Variants in SAMD5 observed in about 807,000 individuals in gnomAD.
SAMD5 encodes sterile alpha motif domain-containing protein 5.
Under a neutral mutation model 11.3 loss-of-function variants are expected in SAMD5, and 13 were observed. The observed-to-expected ratio is 1.15, with a 90% CI of 0.75 to 1.83. SAMD5 has a LOEUF of 1.83. SAMD5 is among the 40% of genes most tolerant of loss of function. The pLI is 0.00. For missense variants in SAMD5, 255 were observed against 239.1 expected (o/e 1.07, Z -0.44); for synonymous variants, 129 against 111.3 (o/e 1.16, Z -1.00).
chr6:147,661,391 GTC>G (rs1043042180), intron 1 of SAMD5, among the ~76,000 whole-genome samples: 7 of 152,182 alleles, frequency 4.6e-5, no homozygotes, highest in Non-Finnish European at 7.3e-5. Context: ...TGGGAGAACA[GTC>G]TCTTAAATTT....
At chr6:147,939,029 G>A in the SAMD5 span, among the ~76,000 whole-genome samples, 59 of 152,210 alleles carry the variant, frequency 3.9e-4, no homozygotes, top group Non-Finnish European at 7.1e-4. Context: ...CAAAGTCTGG[G>A]GTTCCCACAA....
At position 147,566,065 on chromosome 6, in the gene SAMD5, A is replaced by C; in HGVS notation, c.*1609A>C. 1 of 984,198 alleles carries C rather than the reference A, an allele frequency of 1.0e-6. No homozygotes were observed. Among genetic ancestry groups the C allele is most frequent in the Non-Finnish European group, 1.2e-6 (1 of 828,808 alleles). The allele number at this position is 984,198 out of a possible 1,614,324, so 61.0% of individuals were successfully genotyped here. On this transcript the variant is annotated 3_prime_UTR_variant, in exon 2 of 2. Transcript: ENST00000367474. ...AAGAATAGATAGGCCATTAAGAAGG[A>C]TATTAGGTTTCTAAGGACAATTTTA...
At chr6:147,653,676 G>A (rs569505497) in intron 1 of SAMD5, among the ~76,000 whole-genome samples, 1 of 152,294 alleles carries the variant, frequency 6.6e-6, no homozygotes, top group South Asian at 2.1e-4. Context: ...AATATGCACA[G>A]AGCCTATTTT....
At chr6:147,874,827 C>G in the SAMD5 span, among the ~76,000 whole-genome samples, 1 of 151,628 alleles carries the variant, frequency 6.6e-6, no homozygotes, top group South Asian at 2.1e-4. Flanking sequence ...TTTAGTGGTC[C>G]TTTATGATTG....
the SAMD5 span, among the ~76,000 whole-genome samples, chr6:147,758,394 A>G: frequency 6.6e-6 from 1 of 152,352 alleles, no homozygotes; most frequent in Admixed American, 6.5e-5. Context: ...GTGGTCATAA[A>G]TCATAATGGC....
intron 1 of SAMD5, among the ~76,000 whole-genome samples, chr6:147,608,441 T>C (rs1028736790): frequency 2.6e-5 from 4 of 152,194 alleles, no homozygotes; most frequent in African/African-American, 4.8e-5. Context: ...ATATACACAA[T>C]GGAGTACTAT....
At chr6:147,579,775 A>G (rs1789269668) in intron 1 of SAMD5, among the ~76,000 whole-genome samples, 1 of 152,090 alleles carries the variant, frequency 6.6e-6, no homozygotes, top group South Asian at 2.1e-4. Flanking sequence ...GAATTCTTAA[A>G]TGTTATACTT....
intron 1 of SAMD5, among the ~76,000 whole-genome samples, chr6:147,684,886 T>A (rs1790987748): frequency 6.6e-6 from 1 of 152,192 alleles, no homozygotes; most frequent in Non-Finnish European, 1.5e-5. Flanking sequence ...CTTCTCATAT[T>A]GTTGGTTATA....
intron 1 of SAMD5, among the ~76,000 whole-genome samples, chr6:147,686,858 T>C (rs1791019341): frequency 6.6e-6 from 1 of 152,140 alleles, no homozygotes; most frequent in Admixed American, 6.6e-5. Flanking sequence ...CAAAACAACC[T>C]TCTTCACTGT....
rs79042399 is a variant in SAMD5 at position 147,509,824 on chromosome 6, T to C, written c.459+437T>C. On this transcript the variant is annotated intron_variant, in intron 1 of 1. Transcript: ENST00000367474. ...CCTTTTTTGAGTCTTGAGAAACTCC[T>C]AAGGGAAATCGGTGAACTCTTTAAA... 5.2e-3 allele frequency among the ~76,000 whole-genome samples: 792 copies of C among 152,316 alleles called. 7 individuals are homozygous for C. The highest frequency in any genetic ancestry group is 0.018 in the African/African-American group (729 of 41,574).
intron 1 of SAMD5, among the ~76,000 whole-genome samples, chr6:147,610,838 C>A (rs942028586): frequency 6.7e-6 from 1 of 150,018 alleles, no homozygotes; most frequent in African/African-American, 2.5e-5. Flanking sequence ...GAGATTGATG[C>A]GGATAAAATC....
the SAMD5 span, among the ~76,000 whole-genome samples, chr6:147,900,052 A>T: frequency 6.6e-6 from 1 of 152,126 alleles, no homozygotes; most frequent in Non-Finnish European, 1.5e-5. Flanking sequence ...ATTGGACTTT[A>T]TTTCTTTTAG....
chr6:147,566,741 G>C lies in SAMD5; in HGVS notation c.*2285G>C, dbSNP rs544536017. 1.0e-6 allele frequency: 1 copy of C among 985,252 alleles called. No homozygotes were observed. The highest frequency in any genetic ancestry group is 4.7e-5 in the South Asian group (1 of 21,286). The allele number at this position is 985,252 out of a possible 1,614,324, so 61.0% of individuals were successfully genotyped here. A position where few individuals can be genotyped will look rare whatever the true frequency, so the allele number is the denominator to read the frequency against. On this transcript the variant is annotated 3_prime_UTR_variant, in exon 2 of 2. Coordinates refer to ENST00000367474, the MANE Select transcript of SAMD5 (RefSeq NM_001030060.3). ...CAATGGATTTTAAAAAGACATCTTA[G>C]TTAAAGCTAGAGGAAGAAAACTTCA...
the SAMD5 span, among the ~76,000 whole-genome samples, chr6:147,799,703 C>T: frequency 6.6e-6 from 1 of 151,026 alleles, no homozygotes; most frequent in South Asian, 2.1e-4. Flanking sequence ...CTTTCAGGTA[C>T]ACCAGTCAGA....
the SAMD5 span, among the ~76,000 whole-genome samples, chr6:147,811,342 A>G: frequency 6.6e-6 from 1 of 152,236 alleles, no homozygotes; most frequent in African/African-American, 2.4e-5. Flanking sequence ...GGAAAATCCT[A>G]AGGTTTATTT....
intron 1 of SAMD5, among the ~76,000 whole-genome samples, chr6:147,658,367 TTG>T (rs1790599143): frequency 6.6e-6 from 1 of 152,188 alleles, no homozygotes; most frequent in African/African-American, 2.4e-5. Flanking sequence ...AGATGTGGAA[TTG>T]TGTCTTTTTG....
intron 1 of SAMD5, among the ~76,000 whole-genome samples, chr6:147,562,338 C>A (rs780842289): frequency 1.3e-5 from 2 of 152,184 alleles, no homozygotes; most frequent in African/African-American, 2.4e-5. Context: ...TCAAGAAAAG[C>A]GGACTCCCTC....
chr6:147,580,816 AT>A (rs34302163), intron 1 of SAMD5, among the ~76,000 whole-genome samples: 3,253 of 149,338 alleles, frequency 0.022, 112 homozygotes, highest in African/African-American at 0.074. Context: ...CTAAACTATG[AT>A]TTTTTTTTTT....
intron 1 of SAMD5, among the ~76,000 whole-genome samples, chr6:147,647,002 TAA>T (rs1790414837): frequency 7.2e-6 from 1 of 139,284 alleles, no homozygotes; most frequent in Non-Finnish European, 1.5e-5. Flanking sequence ...ATAATAATAA[TAA>T]TAATAATAAT....
Sources: gnomAD v4.1 joint callset for allele counts (sites outside exome capture counted in the v4.1 genomes callset) on GRCh38, gnomAD v4.1.1 for gene constraint, MANE v1.5 for transcripts, NCBI Gene and HGNC (gene_info 2026-07-23, HGNC 2026-07-21) for gene names.